The following TRRAP variants were observed in gnomAD, a reference collection of about 807,000 sequenced individuals.
The protein encoded by TRRAP is transformation/transcription domain associated protein.
A neutral mutation model predicts 438.8 loss-of-function variants in TRRAP; 41 were observed. The observed-to-expected ratio is 0.09, with a 90% CI of 0.07 to 0.12. The LOEUF (loss-of-function observed/expected upper bound fraction) is 0.12, where lower values mean the gene tolerates loss of function less well. TRRAP is among the 10% of genes least tolerant of loss of function. The probability of loss-of-function intolerance (pLI) is 1.00; values close to 1 mark genes in which losing one functional copy is unlikely to be tolerated. For missense variants in TRRAP, 3,122 were observed against 5,055.1 expected (o/e 0.62, Z 11.60); for synonymous variants, 1,994 against 1,962.9 (o/e 1.02, Z -0.42).
intron 53 of TRRAP, among the ~76,000 whole-genome samples, 156 bp downstream of exon 53, chr7:98,972,101 G>T (rs1377077544): frequency 6.6e-6 from 1 of 152,152 alleles, no homozygotes; most frequent in Non-Finnish European, 1.5e-5. Context: ...GCAGTCTAGT[G>T]GCGCAGTCGC....
rs200016244 is a variant in TRRAP at position 98,978,351 on chromosome 7, G to A, written c.8498+28G>A. On this transcript the variant is annotated intron_variant, in intron 57 of 72. Coordinates refer to ENST00000456197, the MANE Select transcript of TRRAP (RefSeq NM_001375524.1). Reference sequence around the variant, plus strand: ...AAGCCAAACACAGTGCTTGACGTGTGCATGAATCAGTTAAGGGAACCAGGG... The same window carrying A: ...AAGCCAAACACAGTGCTTGACGTGTACATGAATCAGTTAAGGGAACCAGGG... 1.1e-4 allele frequency: 179 copies of A among 1,565,166 alleles called. No homozygotes were observed. In the East Asian group the frequency reaches 4.0e-3, roughly 35 times the overall value.
chr7:98,918,120 CAA>C (rs113483218), intron 20 of TRRAP, among the ~76,000 whole-genome samples: 32 of 116,180 alleles, frequency 2.8e-4, no homozygotes, highest in Non-Finnish European at 3.1e-4. Flanking sequence ...GACCCTGTCT[CAA>C]AAAAAAAAAA....
intron 33 of TRRAP, among the ~76,000 whole-genome samples, chr7:98,947,568 G>C (rs1791141822): frequency 6.6e-6 from 1 of 151,902 alleles, no homozygotes; most frequent in Non-Finnish European, 1.5e-5. Context: ...CAGTTCTCCT[G>C]CCTCAGCCTC....
intron 47 of TRRAP, among the ~76,000 whole-genome samples, chr7:98,963,372 C>T (rs1792004838): frequency 6.6e-6 from 1 of 152,120 alleles, no homozygotes. Flanking sequence ...GCAGAAGATG[C>T]CAGCTTCCAT....
At chr7:98,934,600 C>T (rs113709340) in intron 27 of TRRAP, among the ~76,000 whole-genome samples, 19 of 152,128 alleles carry the variant, frequency 1.2e-4, no homozygotes, top group African/African-American at 3.9e-4. Flanking sequence ...CATCAGAACA[C>T]GTGCGGATCT....
At chr7:99,010,975 A>C in intron 70 of TRRAP, 77 bp from the exon 71 acceptor site, 687 of 1,297,836 alleles carry the variant, frequency 5.3e-4, no homozygotes, top group Non-Finnish European at 6.4e-4. Context: ...TTAAAGAGGA[A>C]TTGCAATTTG....
At chr7:98,888,532 G>C (rs1004463882) in intron 3 of TRRAP, among the ~76,000 whole-genome samples, 1 of 152,098 alleles carries the variant, frequency 6.6e-6, no homozygotes, top group East Asian at 1.9e-4. Context: ...GTGAGACTCC[G>C]TCTCAAAAAA....
rs75431625 is a variant in TRRAP, at chr7:98,945,989, C to T, written c.4548+39C>T. 0.038 allele frequency: 53,419 copies of T among 1,405,638 alleles called. 1,073 individuals carry two copies. Among genetic ancestry groups the T allele is most frequent in the South Asian group, 0.056 (4,023 of 72,352 alleles). 87.1% of individuals were successfully genotyped at this position (1,405,638 alleles called of 1,614,324 possible). A position where few individuals can be genotyped will look rare whatever the true frequency, so the allele number is the denominator to read the frequency against. On this transcript the variant is annotated intron_variant, in intron 33 of 72. Transcript: ENST00000456197. Reference sequence around the variant, plus strand: ...CGGAGCTACAGGAGGGGGTTGTTGTCGTTGCTGGTTTTGCTGTGACTCGTT... The same window carrying T: ...CGGAGCTACAGGAGGGGGTTGTTGTTGTTGCTGGTTTTGCTGTGACTCGTT...
chr7:98,885,058 C>T (rs1472215848), intron 3 of TRRAP, among the ~76,000 whole-genome samples: 2 of 151,884 alleles, frequency 1.3e-5, no homozygotes, highest in Non-Finnish European at 2.9e-5. Context: ...AGCATGAAAC[C>T]CCAATCATCA....
intron 12 of TRRAP, among the ~76,000 whole-genome samples, chr7:98,905,508 C>T (rs1796687499): frequency 6.6e-6 from 1 of 152,186 alleles, no homozygotes; most frequent in South Asian, 2.1e-4. Context: ...ATCTGCACAT[C>T]CTCAGAAGCC....
chr7:98,889,045 CTTTTT>C (rs11326725), intron 3 of TRRAP, among the ~76,000 whole-genome samples: 2 of 82,430 alleles, frequency 2.4e-5, no homozygotes, highest in African/African-American at 4.6e-5. Context: ...CAAAACTTTA[CTTTTT>C]TTTTTTTTTT....
Position 99,011,123 on chromosome 7 carries a change from G to A in TRRAP, c.11010G>A (p.Leu3670=), listed in dbSNP as rs139530517. 1.9e-5 allele frequency: 30 copies of A among 1,614,048 alleles called. No individual in the cohort carries two copies. Among genetic ancestry groups the A allele is most frequent in the Non-Finnish European group, 2.5e-5 (30 of 1,180,042 alleles). Residue 3670 remains leucine (L), a synonymous_variant, in exon 71 of 73, where the codon CTG becomes CTA. Coordinates refer to ENST00000456197, the MANE Select transcript of TRRAP (RefSeq NM_001375524.1). This position sits in a 1 kb window ranked among gnomAD's most constrained non-coding sequence, Gnocchi z 7.1. The part of the protein sequence containing the change: ...VPRSMLKEWA[L]HTFPNATDYW... The stretch of plus-strand genomic sequence containing the variant: ...GCAGCATGCTCAAGGAGTGGGCGCT[G>A]CACACCTTCCCCAATGCCACGGACT...
chr7:98,930,574 G>A, intron 24 of TRRAP, 59 bp from the exon 25 acceptor site: 1 of 1,600,056 alleles, frequency 6.2e-7, no homozygotes, highest in South Asian at 1.1e-5. Flanking sequence ...GCGAAACTCT[G>A]TCTCAAAAAA....
intron 44 of TRRAP, among the ~76,000 whole-genome samples, chr7:98,958,902 T>C (rs775610942): frequency 7.2e-5 from 11 of 152,228 alleles, no homozygotes; most frequent in Non-Finnish European, 1.6e-4. Context: ...AATTCATTTC[T>C]GAAACTTTAT....
At chr7:98,988,610 G>A (rs1416415843) in intron 62 of TRRAP, among the ~76,000 whole-genome samples, 155 bp from the exon 63 acceptor site, 4 of 152,172 alleles carry the variant, frequency 2.6e-5, no homozygotes, top group Non-Finnish European at 5.9e-5. Flanking sequence ...CTGGAGGTGG[G>A]AGGGGTTCAG....
At chr7:98,962,208 C>T in intron 46 of TRRAP, 94 bp from the exon 47 acceptor site, 1 of 1,586,688 alleles carries the variant, frequency 6.3e-7, no homozygotes, top group South Asian at 1.2e-5. Flanking sequence ...CCAATCCCTC[C>T]TGATACCCAA....
chr7:98,889,045 C>CTTTTTTT (rs11326725), intron 3 of TRRAP, among the ~76,000 whole-genome samples: 10 of 82,440 alleles, frequency 1.2e-4, no homozygotes, highest in African/African-American at 1.4e-4. Flanking sequence ...CAAAACTTTA[C>CTTTTTTT]TTTTTTTTTT....
intron 19 of TRRAP, 102 bp from the exon 20 acceptor site, chr7:98,917,321 T>C: frequency 2.7e-6 from 4 of 1,481,646 alleles, no homozygotes; most frequent in Non-Finnish European, 3.7e-6. Context: ...GCAGTTGTGC[T>C]GATGTGCACA....
chr7:98,958,321 G>A (rs375617900), intron 44 of TRRAP, among the ~76,000 whole-genome samples: 1 of 144,028 alleles, frequency 6.9e-6, no homozygotes, highest in African/African-American at 2.6e-5. Context: ...TTTTTTTTTT[G>A]AGATGGAGTC....
Sources: gnomAD v4.1 joint callset for allele counts (sites outside exome capture counted in the v4.1 genomes callset) on GRCh38, gnomAD v4.1.1 for gene constraint, Gnocchi (gnomAD v3.1) non-coding constraint, MANE v1.5 for transcripts, NCBI Gene and HGNC (gene_info 2026-07-23, HGNC 2026-07-21) for gene names.